Variants in TENM1 observed in about 807,000 individuals in gnomAD.
The protein encoded by TENM1 is teneurin transmembrane protein 1, also known as teneurin-1.
Under a neutral mutation model 174.8 loss-of-function variants are expected in TENM1, and 35 were observed. The observed-to-expected ratio is 0.20, with a 90% CI of 0.15 to 0.27. The LOEUF (loss-of-function observed/expected upper bound fraction) is 0.27. Among genes scored for constraint, TENM1 ranks in the 10% least tolerant of loss-of-function variants. The pLI, the probability that TENM1 is intolerant of heterozygous loss-of-function variation, is 1.00. For synonymous variants in TENM1, 781 were observed against 798.7 expected, an observed-to-expected ratio of 0.98 and a Z score of 0.37; for missense variants, 1,633 against 2,130.1, an observed-to-expected ratio of 0.77 and a Z score of 4.59.
chrX:125,136,769 C>T, the TENM1 span, among the ~76,000 whole-genome samples: 52 of 111,650 alleles, frequency 4.7e-4, no homozygotes, highest in African/African-American at 1.4e-3. Flanking sequence ...AAAAACAATA[C>T]AGTATAACAA....
At chrX:124,569,291 C>A (rs1399828708) in intron 11 of TENM1, among the ~76,000 whole-genome samples, 1 of 110,500 alleles carries the variant, frequency 9.0e-6, no homozygotes, top group African/African-American at 3.3e-5. Flanking sequence ...GGGAAAAGGA[C>A]AAATTCACAA....
chrX:125,200,650 T>TGAGAGAGA, the TENM1 span, among the ~76,000 whole-genome samples: 24 of 53,906 alleles, frequency 4.5e-4, no homozygotes, highest in African/African-American at 2.0e-3. Flanking sequence ...TGTGTGTGTG[T>TGAGAGAGA]GTGTGAGAGA....
chrX:124,425,506 G>C (rs1335350471), intron 23 of TENM1, among the ~76,000 whole-genome samples: 1 of 112,092 alleles, frequency 8.9e-6, no homozygotes, highest in Non-Finnish European at 1.9e-5. Flanking sequence ...ACAGACTTGA[G>C]CTGGCATGTT....
At chrX:124,872,854 A>G (rs1227906112) in intron 3 of TENM1, among the ~76,000 whole-genome samples, 1 of 111,642 alleles carries the variant, frequency 9.0e-6, no homozygotes, top group Non-Finnish European at 1.9e-5. Context: ...ACAAGAAAGT[A>G]TATCCCCTCT....
At chrX:124,396,470 T>G (rs1294957049) in intron 27 of TENM1, among the ~76,000 whole-genome samples, 2 of 108,837 alleles carry the variant, frequency 1.8e-5, no homozygotes, top group African/African-American at 3.4e-5. Flanking sequence ...CCCAGCTAAT[T>G]TTTTTGTATT....
At chrX:125,044,181 G>GA in the TENM1 span, among the ~76,000 whole-genome samples, 7,096 of 29,524 alleles carry the variant, frequency 0.24, 486 homozygotes, top group African/African-American at 0.34. Flanking sequence ...AATAAAAAAA[G>GA]GAAAAAAAAA....
chrX:124,466,178 T>C (rs2061238633), intron 22 of TENM1, among the ~76,000 whole-genome samples: 1 of 112,155 alleles, frequency 8.9e-6, no homozygotes, highest in Non-Finnish European at 1.9e-5. Context: ...GGTGTTTGAC[T>C]ATAGCATTTA....
the TENM1 span, among the ~76,000 whole-genome samples, chrX:125,053,978 TGC>T: frequency 4.5e-5 from 5 of 111,948 alleles, no homozygotes; most frequent in Non-Finnish European, 9.4e-5. Flanking sequence ...CACTTTCTGT[TGC>T]TTAAAAAGTA....
chrX:124,754,833 T>C (rs1466092690), intron 3 of TENM1, among the ~76,000 whole-genome samples: 1 of 106,217 alleles, frequency 9.4e-6, no homozygotes, highest in African/African-American at 3.7e-5. Flanking sequence ...TCTAGTTTGA[T>C]TGCATTGTGG....
At chrX:124,739,172 C>T in intron 3 of TENM1, among the ~76,000 whole-genome samples, 1 of 109,225 alleles carries the variant, frequency 9.2e-6, no homozygotes, top group East Asian at 2.9e-4. Flanking sequence ...TGCCTCTACC[C>T]TTTAGAAGCT....
intron 23 of TENM1, among the ~76,000 whole-genome samples, chrX:124,427,189 C>T (rs1357762113): frequency 8.9e-6 from 1 of 112,128 alleles, no homozygotes; most frequent in East Asian, 2.8e-4. Context: ...ACTCTGGGAG[C>T]CGAGGCCAGG....
chrX:124,635,132 T>A (rs2050848570), intron 11 of TENM1, among the ~76,000 whole-genome samples: 1 of 111,861 alleles, frequency 8.9e-6, no homozygotes, highest in Non-Finnish European at 1.9e-5. Flanking sequence ...AATAGTTCAA[T>A]ATACAGTATT....
chrX:124,480,897 T>C (rs768414537), intron 22 of TENM1, among the ~76,000 whole-genome samples: 1 of 111,618 alleles, frequency 9.0e-6, no homozygotes, highest in East Asian at 2.8e-4. Flanking sequence ...ATAATTAAGA[T>C]GACAGGGTCA....
At chrX:124,604,479 A>G (rs1258816797) in intron 11 of TENM1, among the ~76,000 whole-genome samples, 1 of 111,151 alleles carries the variant, frequency 9.0e-6, no homozygotes, top group African/African-American at 3.3e-5. Flanking sequence ...AATGCCCAGA[A>G]ATGATCAGTT....
chrX:124,764,692 T>C (rs1386299551), intron 3 of TENM1, among the ~76,000 whole-genome samples: 1 of 110,221 alleles, frequency 9.1e-6, no homozygotes, highest in Admixed American at 9.7e-5. Flanking sequence ...TTTTTTTTTT[T>C]TTTTTACATT....
intron 1 of TENM1, among the ~76,000 whole-genome samples, chrX:124,960,354 G>A (rs1252250214): frequency 9.0e-6 from 1 of 111,655 alleles, no homozygotes; most frequent in African/African-American, 3.3e-5. Context: ...TTCATTCTGT[G>A]TACTTCCACA....
At chrX:124,995,248 G>T in the TENM1 span, among the ~76,000 whole-genome samples, 12 of 110,269 alleles carry the variant, frequency 1.1e-4, no homozygotes, top group African/African-American at 3.0e-4. Context: ...TTCCATGTAC[G>T]TACCACAGGT....
At chrX:124,628,627 T>G (rs762255471) in intron 11 of TENM1, among the ~76,000 whole-genome samples, 7 of 111,522 alleles carry the variant, frequency 6.3e-5, no homozygotes, top group African/African-American at 2.3e-4. Context: ...TTTATTTTAA[T>G]TGAGCTATGA....
At chrX:124,508,696 A>C (rs752203808) in intron 18 of TENM1, among the ~76,000 whole-genome samples, 10 of 111,487 alleles carry the variant, frequency 9.0e-5, no homozygotes, top group Non-Finnish European at 1.7e-4. Flanking sequence ...ATATTATGAG[A>C]TTTTTTTCTG....
Sources: gnomAD v4.1 joint callset for allele counts (sites outside exome capture counted in the v4.1 genomes callset) on GRCh38, gnomAD v4.1.1 for gene constraint, MANE v1.5 for transcripts, NCBI Gene and HGNC (gene_info 2026-07-23, HGNC 2026-07-21) for gene names.